The following NAP1L4 variants were observed in gnomAD, a reference collection of about 807,000 sequenced individuals.
The protein encoded by NAP1L4 is nucleosome assembly protein 1 like 4.
A neutral mutation model predicts 58.2 loss-of-function variants in NAP1L4; 15 were observed. The observed-to-expected ratio is 0.26, with a 90% CI of 0.17 to 0.40. NAP1L4 has a LOEUF of 0.40. Among genes scored for constraint, NAP1L4 ranks in the 10% least tolerant of loss-of-function variants. NAP1L4 has a pLI of 1.00. For synonymous variants in NAP1L4, 171 were observed against 155.6 expected (o/e 1.10, Z -0.74); for missense variants, 384 against 451.1 (o/e 0.85, Z 1.35).
chr11:2,972,804 C>CA (rs1309355856), intron 4 of NAP1L4, among the ~76,000 whole-genome samples: 3 of 152,020 alleles, frequency 2.0e-5, no homozygotes, highest in Non-Finnish European at 2.9e-5. Flanking sequence ...CCTCTCTCTA[C>CA]AAAAAAATTT....
Position 2,955,828 on chromosome 11 carries a change from CCA to C in NAP1L4, c.893-64_893-63del. ...GTGACAACTCCCAGAATTTTAAAGC[CCA>C]CACAGGAGGAAGCTGTGCTGGTAGA... is the stretch of plus-strand genomic sequence containing the variant. On this transcript the variant is annotated intron_variant, in intron 10 of 15. Transcript: ENST00000380542. This position sits in a 1 kb window ranked among gnomAD's most constrained non-coding sequence, Gnocchi z 4.2. 4 of 1,482,338 alleles carry C rather than the reference CCA, an allele frequency of 2.7e-6. No homozygotes were observed. Among genetic ancestry groups the C allele is most frequent in the Non-Finnish European group, 3.8e-6 (4 of 1,065,772 alleles). 91.8% of individuals were successfully genotyped at this position (1,482,338 alleles called of 1,614,324 possible).
intron 15 of NAP1L4, among the ~76,000 whole-genome samples, chr11:2,947,534 G>A (rs1043605476): frequency 6.6e-6 from 1 of 152,172 alleles, no homozygotes; most frequent in African/African-American, 2.4e-5. Flanking sequence ...GCACACTGGA[G>A]CTTCTGCAAG....
intron 4 of NAP1L4, among the ~76,000 whole-genome samples, chr11:2,975,552 G>C (rs1465925038): frequency 6.6e-6 from 1 of 151,970 alleles, no homozygotes; most frequent in Non-Finnish European, 1.5e-5. Flanking sequence ...GAAATACAGT[G>C]AGACCCCATC....
rs201973987 is a variant in NAP1L4 at position 2,991,054 on chromosome 11, G to A, written c.-18+1200C>T. 2.4e-3 allele frequency: 1,089 copies of A among 455,224 alleles called. 2 individuals carry two copies. Among genetic ancestry groups the A allele is most frequent in the Non-Finnish European group, 3.9e-3 (881 of 225,922 alleles). 28.2% of individuals were successfully genotyped at this position (455,224 alleles called of 1,614,324 possible). On this transcript the variant is annotated intron_variant, in intron 1 of 15. Transcript: ENST00000380542. ...AAAAGTAATGCAGACTGGGGGATGC[G>A]AACCAAAGCACAGACGAATGTGCCC...
At chr11:2,961,943 G>T (rs1430676650) in intron 8 of NAP1L4, among the ~76,000 whole-genome samples, 2 of 152,190 alleles carry the variant, frequency 1.3e-5, no homozygotes, top group Admixed American at 1.3e-4. Context: ...TCAAGAAACT[G>T]TTTAGCTGCC....
rs544744906 is a variant in NAP1L4, at chr11:2,966,041, T to A, written c.535-1290A>T. On this transcript the variant is annotated intron_variant, in intron 7 of 15. Coordinates refer to ENST00000380542, the MANE Select transcript of NAP1L4 (RefSeq NM_005969.4). ...AAGTCAGAAGAGGAGTGGGAAGACC[T>A]GAATCCTCAGAAACACGCACTGGCA... Among the ~76,000 whole-genome samples the A allele has an allele frequency of 2.2e-4, 34 of 152,358 alleles. No homozygotes were observed. In the East Asian group the frequency reaches 6.4e-3, roughly 29 times the overall value.
chr11:2,985,461 T>C (rs1258673979), intron 1 of NAP1L4, among the ~76,000 whole-genome samples: 1 of 152,238 alleles, frequency 6.6e-6, no homozygotes, highest in Non-Finnish European at 1.5e-5. Flanking sequence ...GCCCGAAGAC[T>C]CATCCAGAAG....
chr11:2,989,561 G>C (rs1339342827), intron 1 of NAP1L4, among the ~76,000 whole-genome samples: 5 of 152,136 alleles, frequency 3.3e-5, no homozygotes, highest in Non-Finnish European at 5.9e-5. Flanking sequence ...GACAACTAAA[G>C]GGAAGGAAGA....
intron 1 of NAP1L4, chr11:2,991,150 GGTGAT>G: frequency 2.2e-6 from 1 of 456,370 alleles, no homozygotes; most frequent in South Asian, 1.5e-5. Context: ...CACCCAGGCA[GGTGAT>G]GTGACACACA....
At chr11:2,973,832 G>A (rs151236271) in intron 4 of NAP1L4, among the ~76,000 whole-genome samples, 61 of 152,122 alleles carry the variant, frequency 4.0e-4, no homozygotes, top group African/African-American at 1.4e-3. Flanking sequence ...GCACTGGTGC[G>A]ATCTCGGCTC....
intron 1 of NAP1L4, among the ~76,000 whole-genome samples, chr11:2,979,854 C>T (rs1391730396): frequency 1.3e-5 from 2 of 152,020 alleles, no homozygotes; most frequent in East Asian, 3.8e-4. Context: ...TCTAATTTGC[C>T]TTATTTTTTA....
chr11:2,988,147 C>G (rs1373516894), intron 1 of NAP1L4: 1 of 152,040 alleles, frequency 6.6e-6, no homozygotes, highest in Non-Finnish European at 1.5e-5. Flanking sequence ...AAGAAGAAAG[C>G]AAAAAATGAT....
chr11:2,956,090 T>C (rs1466799570), intron 10 of NAP1L4, among the ~76,000 whole-genome samples: 2 of 152,348 alleles, frequency 1.3e-5, no homozygotes, highest in South Asian at 2.1e-4. Context: ...CCCCAGGCTG[T>C]GGCCATTCAG....
chr11:2,957,332 C>T (rs1283306506), intron 10 of NAP1L4, among the ~76,000 whole-genome samples: 1 of 152,216 alleles, frequency 6.6e-6, no homozygotes, highest in East Asian at 1.9e-4. Flanking sequence ...TATGTATTTG[C>T]ATCTTCTAGG....
At chr11:2,982,506 T>C (rs1017765243) in intron 1 of NAP1L4, among the ~76,000 whole-genome samples, 5 of 152,202 alleles carry the variant, frequency 3.3e-5, no homozygotes, top group African/African-American at 9.7e-5. Context: ...GGGACCTACA[T>C]GTCAGGCACT....
chr11:2,970,024 C>T (rs2133967157), intron 6 of NAP1L4, 90 bp from the exon 7 acceptor site: 4 of 1,351,866 alleles, frequency 3.0e-6, no homozygotes, highest in South Asian at 1.5e-5. Context: ...GAATCCTCTA[C>T]TATCTCCCAT....
intron 1 of NAP1L4, among the ~76,000 whole-genome samples, chr11:2,979,873 T>C (rs538641036): frequency 6.6e-6 from 1 of 152,304 alleles, no homozygotes; most frequent in South Asian, 2.1e-4. Flanking sequence ...TATAATACAT[T>C]CGGCAACACA....
At position 2,971,425 on chromosome 11, in the gene NAP1L4, G is replaced by A. The variant is rs1847630357; in HGVS notation, c.402+23C>T. On this transcript the variant is annotated intron_variant, in intron 6 of 15. Transcript: ENST00000380542. The surrounding 1 kb of genome is among the most constrained non-coding windows in gnomAD (Gnocchi z 4.2). ...TTAACAGTATTAAAACAGAACATGA[G>A]TCACATGTTTCTAAAGACTTACAGC... The A allele has an allele frequency of 1.2e-6, 2 of 1,601,024 alleles. No homozygotes were observed. Among genetic ancestry groups the A allele is most frequent in the Non-Finnish European group, 1.7e-6 (2 of 1,169,722 alleles).
Position 2,945,199 on chromosome 11 carries a change from G to GA in NAP1L4, c.*479dup, listed in dbSNP as rs1845878936. ...AAACAGCAAGTGGGTTTCTTCGGAT[G>GA]AAAGGGAAGAATTCAGTCCAACTGC... On this transcript the variant is annotated 3_prime_UTR_variant, in exon 16 of 16. Coordinates refer to ENST00000380542, the MANE Select transcript of NAP1L4 (RefSeq NM_005969.4). 5.7e-6 allele frequency: 1 copy of GA among 174,546 alleles called. No individual in the cohort carries two copies. The highest frequency in any genetic ancestry group is 1.2e-5 in the Non-Finnish European group (1 of 83,084). The allele number at this position is 174,546 out of a possible 1,614,324, so 10.8% of individuals were successfully genotyped here.
Sources: allele counts gnomAD v4.1 joint callset (sites outside exome capture counted in the v4.1 genomes callset), GRCh38; gene constraint gnomAD v4.1.1; non-coding constraint Gnocchi (gnomAD v3.1); transcripts MANE v1.5; gene names NCBI Gene and HGNC (gene_info 2026-07-23, HGNC 2026-07-21).